CEP20: variants seen among roughly 807,000 people sequenced by gnomAD.
The protein encoded by CEP20 is FGFR1OP N-terminal like.
A neutral mutation model predicts 20.0 loss-of-function variants in CEP20; 18 were observed. That is an observed-to-expected ratio of 0.90 (90% CI 0.62 to 1.34). The LOEUF (loss-of-function observed/expected upper bound fraction) is 1.34. Ranked by LOEUF, CEP20 falls within the 40% of genes most tolerant of loss-of-function variation. The probability of loss-of-function intolerance (pLI) is 0.00; values close to 1 mark genes in which losing one functional copy is unlikely to be tolerated. For synonymous variants in CEP20, 77 were observed against 73.7 expected (o/e 1.04, Z -0.23); for missense variants, 215 against 201.6 (o/e 1.07, Z -0.40).
intron 1 of CEP20, among the ~76,000 whole-genome samples, chr16:15,888,015 C>G (rs1252095080): frequency 6.6e-6 from 1 of 150,648 alleles, no homozygotes; most frequent in Non-Finnish European, 1.5e-5. Context: ...GAGTTCGAAG[C>G]TGCAGTGAGC....
chr16:15,883,242 G>T lies in CEP20; in HGVS notation c.226+766C>A, dbSNP rs113016238. ...GCTGGGCATGGAGGCATGCACCTGTGGTCCCAGCTACTCAGGAGACTGACG... is the reference window on the plus strand; with the variant it reads ...GCTGGGCATGGAGGCATGCACCTGTTGTCCCAGCTACTCAGGAGACTGACG... On this transcript the variant is annotated intron_variant, in intron 2 of 4. Transcript: ENST00000255759. Among the ~76,000 whole-genome samples the T allele has an allele frequency of 5.2e-3, 790 of 151,868 alleles. 3 individuals are homozygous for T. The highest frequency in any genetic ancestry group is 0.027 in the Middle Eastern group (8 of 294).
intron 3 of CEP20, among the ~76,000 whole-genome samples, chr16:15,876,169 CTTT>C (rs58260368): frequency 7.1e-4 from 100 of 141,422 alleles, no homozygotes; most frequent in African/African-American, 2.5e-3. Context: ...TACCATATTA[CTTT>C]TTTTTTTTTT....
intron 3 of CEP20, among the ~76,000 whole-genome samples, chr16:15,876,745 A>G (rs1012088958): frequency 3.9e-5 from 6 of 152,224 alleles, no homozygotes; most frequent in African/African-American, 1.4e-4. Context: ...GTGAATGCCA[A>G]TCACTGAAGT....
At chr16:15,879,131 T>C (rs930364993) in intron 3 of CEP20, among the ~76,000 whole-genome samples, 1 of 151,536 alleles carries the variant, frequency 6.6e-6, no homozygotes, top group Non-Finnish European at 1.5e-5. Flanking sequence ...GCATAGTTGG[T>C]GAGAGGAGGT....
At position 15,885,410 on chromosome 16, in the gene CEP20, T is replaced by C. The variant is rs539085247; in HGVS notation, c.29-1205A>G. On this transcript the variant is annotated intron_variant, in intron 1 of 4. Coordinates refer to ENST00000255759, the MANE Select transcript of CEP20 (RefSeq NM_144600.4). ...GTGTTGGGTTTTTCATTGTTGTTAT[T>C]TTGAAACAATCTCGCTCTGTCGCCA... 2.4e-4 allele frequency among the ~76,000 whole-genome samples: 37 copies of C among 152,230 alleles called. 1 individual carries two copies. The highest frequency in any genetic ancestry group is 7.5e-4 in the African/African-American group (31 of 41,550).
chr16:15,887,315 CTGTTT>C lies in CEP20; in HGVS notation c.28+1238_28+1242del, dbSNP rs541827224. ...TCTTGTGGACAGATGCATGCCTGTT[CTGTTT>C]TATGATTGTTCACCAGCCCTGTCCC... On this transcript the variant is annotated intron_variant, in intron 1 of 4. Coordinates refer to ENST00000255759, the MANE Select transcript of CEP20 (RefSeq NM_144600.4). Among the ~76,000 whole-genome samples the C allele has an allele frequency of 1.8e-3, 270 of 152,282 alleles. 2 individuals carry two copies. Among genetic ancestry groups the C allele is most frequent in the Admixed American group, 5.6e-3 (85 of 15,294 alleles).
intron 2 of CEP20, 93 bp downstream of exon 2, chr16:15,883,915 C>A: frequency 9.0e-7 from 1 of 1,108,738 alleles, no homozygotes; most frequent in East Asian, 2.5e-5. Flanking sequence ...ATGGCACTAT[C>A]TGGTAAGGGA....
chr16:15,882,230 A>G (rs2045114995), intron 2 of CEP20, among the ~76,000 whole-genome samples: 1 of 152,214 alleles, frequency 6.6e-6, no homozygotes, highest in Non-Finnish European at 1.5e-5. Flanking sequence ...CAGTCTGCAG[A>G]ACCGTGAGCC....
chr16:15,873,782 C>T (rs1488291662), intron 3 of CEP20, among the ~76,000 whole-genome samples, 155 bp from the exon 4 acceptor site: 3 of 152,212 alleles, frequency 2.0e-5, no homozygotes, highest in African/African-American at 7.2e-5. Context: ...ATCCAAAATG[C>T]AAATTGTTCA....
chr16:15,875,519 T>C (rs56292947), intron 3 of CEP20, among the ~76,000 whole-genome samples: 10,505 of 152,072 alleles, frequency 0.069, 475 homozygotes, highest in East Asian at 0.22. Flanking sequence ...CAGAAGGTAA[T>C]ATGCACCTGT....
intron 3 of CEP20, among the ~76,000 whole-genome samples, chr16:15,873,854 G>A (rs573581737): frequency 1.9e-4 from 29 of 152,238 alleles, no homozygotes; most frequent in African/African-American, 6.7e-4. Flanking sequence ...GAGAAAACAT[G>A]TTAACAACTT....
chr16:15,868,924 G>T (rs1029393320), intron 4 of CEP20, among the ~76,000 whole-genome samples: 4 of 151,728 alleles, frequency 2.6e-5, no homozygotes, highest in Non-Finnish European at 1.5e-5. Context: ...AAAAATCTTC[G>T]CCAGGAATGT....
chr16:15,884,799 C>G (rs10451086), intron 1 of CEP20, among the ~76,000 whole-genome samples: 1 of 151,910 alleles, frequency 6.6e-6, no homozygotes, highest in Non-Finnish European at 1.5e-5. Context: ...CCACCGTGCC[C>G]GGCCAATACA....
chr16:15,879,940 A>G lies in CEP20; in HGVS notation c.227-52T>C, dbSNP rs1387318473. 1.3e-5 allele frequency: 16 copies of G among 1,277,458 alleles called. No homozygotes were observed. In the East Asian group the frequency reaches 1.5e-4, roughly 12 times the overall value. The allele number at this position is 1,277,458 out of a possible 1,614,324, so 79.1% of individuals were successfully genotyped here. On this transcript the variant is annotated intron_variant, in intron 2 of 4. Transcript: ENST00000255759. ...CTCAGTCTATTAAACTAAAAAGCAA[A>G]TAAGATTTTGAAAAGAATCACATTT...
intron 2 of CEP20, 72 bp downstream of exon 2, chr16:15,883,936 T>C (rs2045174159): frequency 1.5e-6 from 2 of 1,333,216 alleles, no homozygotes; most frequent in African/African-American, 1.5e-5. Context: ...ATTAGATTTC[T>C]AGGATAAACA....
At chr16:15,873,393 CTA>C in intron 4 of CEP20, 96 bp downstream of exon 4, 1 of 1,403,468 alleles carries the variant, frequency 7.1e-7, no homozygotes, top group Non-Finnish European at 9.6e-7. Flanking sequence ...CAGAATTAAA[CTA>C]TGACTCAAAA....
chr16:15,873,634 C>T lies in CEP20; in HGVS notation c.312-7G>A. ...AATCCCATATAAAAGAGGTCTATAG[C>T]AGGAAGAAAACAAAACAAAACCAAA... On this transcript the variant is annotated splice_polypyrimidine_tract_variant and splice_region_variant and intron_variant, in intron 3 of 4. Coordinates refer to ENST00000255759, the MANE Select transcript of CEP20 (RefSeq NM_144600.4). The T allele has an allele frequency of 6.2e-7, 1 of 1,603,602 alleles. No individual in the cohort carries two copies. The highest frequency in any genetic ancestry group is 2.2e-5 in the East Asian group (1 of 44,744).
chr16:15,882,698 A>G (rs2045128387), intron 2 of CEP20, among the ~76,000 whole-genome samples: 1 of 152,080 alleles, frequency 6.6e-6, no homozygotes, highest in Non-Finnish European at 1.5e-5. Flanking sequence ...TAAGCACTAC[A>G]TAGTAGTAAT....
intron 4 of CEP20, among the ~76,000 whole-genome samples, chr16:15,867,760 G>A (rs1194514694): frequency 1.3e-5 from 2 of 152,038 alleles, no homozygotes; most frequent in African/African-American, 2.4e-5. Flanking sequence ...ATCACCTGAG[G>A]TCAAGAGTTA....
Sources: allele counts gnomAD v4.1 joint callset (sites outside exome capture counted in the v4.1 genomes callset), GRCh38; gene constraint gnomAD v4.1.1; transcripts MANE v1.5; gene names NCBI Gene and HGNC (gene_info 2026-07-23, HGNC 2026-07-21).